HDAC7: variants seen among roughly 807,000 people sequenced by gnomAD.
HDAC7 encodes the protein histone deacetylase 7.
Under a neutral mutation model 115.5 loss-of-function variants are expected in HDAC7, and 26 were observed. That is an observed-to-expected ratio of 0.23 (90% CI 0.16 to 0.31). HDAC7 has a LOEUF of 0.31. Among genes scored for constraint, HDAC7 ranks in the 10% least tolerant of loss-of-function variants. HDAC7 has a pLI of 1.00. For missense variants in HDAC7, 1,068 were observed against 1,329.0 expected (o/e 0.80, Z 3.05); for synonymous variants, 564 against 550.9 (o/e 1.02, Z -0.33).
chr12:47,815,317 G>A (rs577322699), intron 1 of HDAC7, among the ~76,000 whole-genome samples: 2 of 152,276 alleles, frequency 1.3e-5, no homozygotes. Context: ...GTGTAGTTAT[G>A]AGCACACATG....
rs992844642 is a variant in HDAC7, at chr12:47,784,822, G to A, written c.2791+565C>T. ...ACCCACCGTAAGAGGAATCAGCCAT[G>A]TCTTTACCATTATGTAAAGACATCA... is the stretch of plus-strand genomic sequence containing the variant. On this transcript the variant is annotated intron_variant, in intron 24 of 25. Coordinates refer to ENST00000080059, the MANE Select transcript of HDAC7 (RefSeq NM_015401.5). 3.0e-5 allele frequency: 45 copies of A among 1,514,706 alleles called. No homozygotes were observed. In the African/African-American group the frequency reaches 5.2e-4, roughly 18 times the overall value. The allele number at this position is 1,514,706 out of a possible 1,614,324, so 93.8% of individuals were successfully genotyped here. A position where few individuals can be genotyped will look rare whatever the true frequency, so the allele number is the denominator to read the frequency against.
In HDAC7 at chr12:47,787,804, C is replaced by T; in HGVS notation, c.2361G>A (p.Gly787=). The change falls in exon 21 of 26, where the codon GGG becomes GGA. Residue 787 remains glycine, a synonymous_variant. Coordinates refer to ENST00000080059, the MANE Select transcript of HDAC7 (RefSeq NM_015401.5). ...FPGSGAVDEV[G]AGSGEGFNVN... ...CATTGAAGCCCTCACCGCTGCCAGC[C>T]CCTACCTGGAAAACAGGAGGCAAGA... The T allele has an allele frequency of 6.2e-7, 1 of 1,611,812 alleles. No homozygotes were observed. Among genetic ancestry groups the T allele is most frequent in the Non-Finnish European group, 8.5e-7 (1 of 1,179,096 alleles).
At position 47,797,646 on chromosome 12, in the gene HDAC7, G is replaced by GCGGCCCACTGCTGCCACC; in HGVS notation, c.462-148_462-147insGGTGGCAGCAGTGGGCCG. 1 of 620,216 alleles carries GCGGCCCACTGCTGCCACC rather than the reference G, an allele frequency of 1.6e-6. No individual in the cohort carries two copies. The highest frequency in any genetic ancestry group is 2.8e-6 in the Non-Finnish European group (1 of 353,686). The allele number at this position is 620,216 out of a possible 1,614,324, so 38.4% of individuals were successfully genotyped here. A position where few individuals can be genotyped will look rare whatever the true frequency, so the allele number is the denominator to read the frequency against. On this transcript the variant is annotated intron_variant, in intron 5 of 25. Transcript: ENST00000080059. This position sits in a 1 kb window ranked among gnomAD's most constrained non-coding sequence, Gnocchi z 5.5. ...TGGTAGGAATGGGGACCATCTCCAG[G>GCGGCCCACTGCTGCCACC]TGGCAGCAGTGGGCCGCCTGTCCGC...
rs1452832298 is a variant in HDAC7, at chr12:47,791,918, T to A, written c.1765A>T (p.Ser589Cys). 1.2e-6 allele frequency: 2 copies of A among 1,611,352 alleles called. No individual in the cohort carries two copies. Among genetic ancestry groups the A allele is most frequent in the Non-Finnish European group, 1.7e-6 (2 of 1,179,366 alleles). ...CGCTCCTGCAGCCGGGACCAGATGC[T>A]CTGGATGCGGCCGGCGTGCTCCGGG... ...RHPEHAGRIQ[S>C]IWSRLQERGL... is the part of the protein sequence containing the mutation. The change falls in exon 14 of 26, where the codon AGC becomes TGC. Residue 589 changes from serine to cysteine, a missense_variant. Ser to Cys is a moderately radical substitution (Grantham distance 112). Coordinates refer to ENST00000080059, the MANE Select transcript of HDAC7 (RefSeq NM_015401.5).
rs1944027892 is a variant in HDAC7, at chr12:47,798,962, C to G, written c.81G>C (p.Arg27Ser). 6.6e-7 allele frequency: 1 copy of G among 1,505,126 alleles called. No homozygotes were observed. Among genetic ancestry groups the G allele is most frequent in the South Asian group, 1.3e-5 (1 of 76,650 alleles). 93.2% of individuals were successfully genotyped at this position (1,505,126 alleles called of 1,614,324 possible). Residue 27 changes from arginine (R) to serine (S), a missense_variant, in exon 3 of 26, where the codon AGG becomes AGC. Arg to Ser is a moderately radical substitution (Grantham distance 110, BLOSUM62 -1). Coordinates refer to ENST00000080059, the MANE Select transcript of HDAC7 (RefSeq NM_015401.5). The surrounding 1 kb of genome is among the most constrained non-coding windows in gnomAD (Gnocchi z 4.3). ...YCSPTGAGCPRPCADTPGPQP... is the reference protein window; with the variant it reads ...YCSPTGAGCPSPCADTPGPQP... ...GAGGGCCTGGTGTGTCTGCACAGGG[C>G]CTGGGGCAGCCTAGGGACAGAGAGA...
intron 2 of HDAC7, among the ~76,000 whole-genome samples, chr12:47,800,220 G>A (rs760478035): frequency 1.3e-5 from 2 of 152,168 alleles, no homozygotes; most frequent in Non-Finnish European, 2.9e-5. Context: ...ACCGAGGCTC[G>A]GAGGTGAAGG....
At chr12:47,785,053 A>G in intron 24 of HDAC7, 1 of 556,724 alleles carries the variant, frequency 1.8e-6, no homozygotes, top group South Asian at 2.2e-5. Flanking sequence ...GACTGAGGGG[A>G]GGGATGGGAA....
At position 47,783,784 on chromosome 12, in the gene HDAC7, GGTTA is replaced by G; in HGVS notation, c.*53_*56del. 18 of 1,557,672 alleles carry G rather than the reference GGTTA, an allele frequency of 1.2e-5. No homozygotes were observed. Among genetic ancestry groups the G allele is most frequent in the Non-Finnish European group, 1.6e-5 (18 of 1,138,140 alleles). On this transcript the variant is annotated 3_prime_UTR_variant, in exon 26 of 26. Transcript: ENST00000080059. Reference sequence around the variant, plus strand: ...CCCAGGAATGGGGGCTATTGCCAGGGGTTAGAAGAGAACCAGGTCCCAAGGGCAT... The same window carrying G: ...CCCAGGAATGGGGGCTATTGCCAGGGGAAGAGAACCAGGTCCCAAGGGCAT...
In HDAC7 at chr12:47,797,895, T is replaced by TGTGTGTGTGA. The variant is rs35753431; in HGVS notation, c.461+212_461+213insTCACACACAC. 8.7e-3 allele frequency among the ~76,000 whole-genome samples: 1,245 copies of TGTGTGTGTGA among 143,388 alleles called. 12 individuals are homozygous for TGTGTGTGTGA. The highest frequency in any genetic ancestry group is 0.015 in the African/African-American group (533 of 36,478). 94.1% of individuals were successfully genotyped at this position (143,388 alleles called of 152,430 possible). A position where few individuals can be genotyped will look rare whatever the true frequency, so the allele number is the denominator to read the frequency against. On this transcript the variant is annotated intron_variant, in intron 5 of 25. Transcript: ENST00000080059. The surrounding 1 kb of genome is among the most constrained non-coding windows in gnomAD (Gnocchi z 5.5). ...GTGTGTGTGTGTGTGTGTGTGTGTG[T>TGTGTGTGTGA]GAGAAGGGCTCAGGTGGGGTGGGGA...
intron 22 of HDAC7, 47 bp from the exon 23 acceptor site, chr12:47,785,932 G>A (rs1378069152): frequency 1.3e-6 from 2 of 1,523,008 alleles, no homozygotes; most frequent in East Asian, 4.6e-5. Context: ...GTGGAGAGGT[G>A]ACCCTGTTCT....
intron 1 of HDAC7, 57 bp downstream of exon 1, chr12:47,819,710 G>C (rs545102600): frequency 1.4e-4 from 62 of 454,850 alleles, no homozygotes; most frequent in Non-Finnish European, 1.8e-4. Flanking sequence ...GAGCCTGGGC[G>C]GGCGACGCTG....
intron 1 of HDAC7, among the ~76,000 whole-genome samples, chr12:47,815,732 C>A (rs1944830149): frequency 1.3e-5 from 2 of 152,156 alleles, no homozygotes; most frequent in South Asian, 4.1e-4. Context: ...CTGCCTCAGC[C>A]TCCCAAATAG....
At chr12:47,810,084 T>A (rs1038968064) in intron 1 of HDAC7, among the ~76,000 whole-genome samples, 6 of 152,214 alleles carry the variant, frequency 3.9e-5, no homozygotes, top group African/African-American at 1.4e-4. Context: ...GTAGCTGGGA[T>A]TACAGGTGCA....
At chr12:47,796,123 C>G in intron 8 of HDAC7, 84 bp downstream of exon 8, 1 of 1,518,116 alleles carries the variant, frequency 6.6e-7, no homozygotes. Flanking sequence ...GACCCTGCAG[C>G]CCCAGCCCAG....
At chr12:47,789,166 G>T in intron 19 of HDAC7, 95 bp downstream of exon 19, 3 of 969,008 alleles carry the variant, frequency 3.1e-6, no homozygotes, top group East Asian at 4.8e-5. Context: ...AGAGGCTACT[G>T]CAGAACTAAG....
At position 47,797,118 on chromosome 12, in the gene HDAC7, C is replaced by G; in HGVS notation, c.602G>C (p.Arg201Pro). The G allele has an allele frequency of 6.2e-7, 1 of 1,604,014 alleles. No homozygotes were observed. Among genetic ancestry groups the G allele is most frequent in the Non-Finnish European group, 8.5e-7 (1 of 1,175,508 alleles). The change falls in exon 7 of 26, where the codon CGC becomes CCC. Residue 201 changes from arginine to proline, a missense_variant. By Grantham distance (103) the Arg-to-Pro change is moderately radical. This residue lies in a region of HDAC7 where 618 missense variants were observed against 701.5 expected (regional missense o/e 0.88). Transcript: ENST00000080059. This position sits in a 1 kb window ranked among gnomAD's most constrained non-coding sequence, Gnocchi z 5.5. ...KTVSEPNLKLRYKPKKSLERR... is the reference protein window; with the variant it reads ...KTVSEPNLKLPYKPKKSLERR... ...CTCCAGGGACTTCTTGGGCTTATAG[C>G]GCAGCTTCAGGTTGGGCTCAGAGAC...
chr12:47,791,314 G>A lies in HDAC7; in HGVS notation c.1934-6C>T. 2 of 1,586,636 alleles carry A rather than the reference G, an allele frequency of 1.3e-6. No individual in the cohort carries two copies. The highest frequency in any genetic ancestry group is 1.7e-6 in the Non-Finnish European group (2 of 1,166,394). ...CATCCGCTGTGCCAGGAGCCCTGCG[G>A]GGAGAGGCCCAGCCCACGTCAGCGT... On this transcript the variant is annotated splice_polypyrimidine_tract_variant and splice_region_variant and intron_variant, in intron 15 of 25. Coordinates refer to ENST00000080059, the MANE Select transcript of HDAC7 (RefSeq NM_015401.5).
In HDAC7 at chr12:47,796,022, A is replaced by G. The variant is rs1160169180; in HGVS notation, c.796-6T>C. On this transcript the variant is annotated splice_region_variant and splice_polypyrimidine_tract_variant and intron_variant, in intron 8 of 25. Coordinates refer to ENST00000080059, the MANE Select transcript of HDAC7 (RefSeq NM_015401.5). ...AGCCGCTGGCCCAAGAGCGCCTGCC[A>G]TAGGGAGCAGGGCGAGGGTCACCGG... 3 of 1,549,702 alleles carry G rather than the reference A, an allele frequency of 1.9e-6. No homozygotes were observed. The Admixed American group carries it at 5.9e-5, about 30-fold the overall frequency.
chr12:47,806,604 G>A (rs758107046), intron 1 of HDAC7, among the ~76,000 whole-genome samples: 5 of 152,108 alleles, frequency 3.3e-5, no homozygotes, highest in East Asian at 1.9e-4. Flanking sequence ...CACAAGAATC[G>A]CTTGAACCCA....
Sources: gnomAD v4.1 joint callset for allele counts (sites outside exome capture counted in the v4.1 genomes callset) on GRCh38, gnomAD v4.1.1 for gene constraint, gnomAD v4.1.1 regional missense constraint, Gnocchi (gnomAD v3.1) non-coding constraint, MANE v1.5 for transcripts, NCBI Gene and HGNC (gene_info 2026-07-23, HGNC 2026-07-21) for gene names.